KCNK1: variants seen among roughly 807,000 people sequenced by gnomAD.
The protein encoded by KCNK1 is potassium channel subfamily K member 1.
In KCNK1, 10 loss-of-function variants were observed where a neutral mutation model predicts 22.2. The observed-to-expected ratio is 0.45, with a 90% CI of 0.28 to 0.76. The LOEUF is 0.76. Ranked by LOEUF, KCNK1 falls within the 30% of genes least tolerant of loss-of-function variation. KCNK1 has a pLI of 0.14. For synonymous variants in KCNK1, 200 were observed against 186.4 expected (o/e 1.07, Z -0.60); for missense variants, 378 against 421.0 (o/e 0.90, Z 0.89).
intron 2 of KCNK1, among the ~76,000 whole-genome samples, chr1:233,669,454 A>G (rs1658558257): frequency 6.6e-6 from 1 of 152,226 alleles, no homozygotes; most frequent in Admixed American, 6.5e-5. Context: ...TAACAAATGA[A>G]TATTCCAAAG....
intron 1 of KCNK1, among the ~76,000 whole-genome samples, chr1:233,646,136 T>TG (rs1658089920): frequency 6.6e-6 from 1 of 151,992 alleles, no homozygotes; most frequent in African/African-American, 2.4e-5. Flanking sequence ...ACATTCAAGG[T>TG]GGAAGTTTGA....
At chr1:233,652,319 C>T (rs1558116778) in intron 1 of KCNK1, among the ~76,000 whole-genome samples, 1 of 152,110 alleles carries the variant, frequency 6.6e-6, no homozygotes, top group African/African-American at 2.4e-5. Context: ...GCCATCACCC[C>T]TCTTTGATTT....
At chr1:233,639,689 AAAC>A (rs1657970559) in intron 1 of KCNK1, among the ~76,000 whole-genome samples, 1 of 152,238 alleles carries the variant, frequency 6.6e-6, no homozygotes, top group Non-Finnish European at 1.5e-5. Flanking sequence ...ATTACAAAAA[AAAC>A]AACAAAGAAA....
intron 1 of KCNK1, among the ~76,000 whole-genome samples, chr1:233,633,892 G>A (rs895859610): frequency 2.6e-5 from 4 of 152,088 alleles, no homozygotes; most frequent in Non-Finnish European, 2.9e-5. Context: ...TCACACATCC[G>A]CAACACAGCA....
At position 233,615,516 on chromosome 1, in the gene KCNK1, A is replaced by G. The variant is rs534342304; in HGVS notation, c.355+990A>G. Among the ~76,000 whole-genome samples the G allele has an allele frequency of 2.0e-5, 3 of 152,346 alleles. No homozygotes were observed. The South Asian group carries it at 6.2e-4, about 32-fold the overall frequency. ...TTGGACAGTGGGAGGAATCTGAAAG[A>G]GCGTTCAGCACAGTCCCTTCTTTTG... On this transcript the variant is annotated intron_variant, in intron 1 of 2. Coordinates refer to ENST00000366621, the MANE Select transcript of KCNK1 (RefSeq NM_002245.4).
Position 233,657,262 on chromosome 1 carries a change from G to A in KCNK1, c.356-9333G>A, listed in dbSNP as rs1183051584. Among the ~76,000 whole-genome samples the A allele has an allele frequency of 2.0e-5, 3 of 152,148 alleles. No homozygotes were observed. In the East Asian group the frequency reaches 5.8e-4, roughly 29 times the overall value. On this transcript the variant is annotated intron_variant, in intron 1 of 2. Transcript: ENST00000366621. Reference sequence around the variant, plus strand: ...TTCATCCACAACCCCCGCAGCCAAGGCAGTGTCAGTAAATTTTGGGATGGA... The same window carrying A: ...TTCATCCACAACCCCCGCAGCCAAGACAGTGTCAGTAAATTTTGGGATGGA...
chr1:233,636,736 T>C (rs1481948685), intron 1 of KCNK1, among the ~76,000 whole-genome samples: 1 of 112,240 alleles, frequency 8.9e-6, no homozygotes, highest in African/African-American at 3.7e-5. Context: ...GTTAGTGATG[T>C]CATAGGAAAA....
chr1:233,635,465 A>G (rs962140339), intron 1 of KCNK1, among the ~76,000 whole-genome samples: 20 of 152,190 alleles, frequency 1.3e-4, no homozygotes, highest in African/African-American at 4.8e-4. Context: ...ATGCTTTTGA[A>G]TTGTTGAGTA....
chr1:233,650,790 G>A (rs573758070), intron 1 of KCNK1, among the ~76,000 whole-genome samples: 23 of 124,720 alleles, frequency 1.8e-4, no homozygotes, highest in Admixed American at 4.6e-4. Context: ...AAAGTCTTTC[G>A]AACAATAGAA....
chr1:233,625,482 T>TG lies in KCNK1; in HGVS notation c.355+10961dup, dbSNP rs1657673116. Among the ~76,000 whole-genome samples the TG allele has an allele frequency of 3.9e-5, 6 of 151,954 alleles. No homozygotes were observed. In the South Asian group the frequency reaches 1.2e-3, roughly 32 times the overall value. ...GGTATTCCAGATTTTATGGCTAGCC[T>TG]GGGGGAGGATGAGGGGTGAGAGATA... On this transcript the variant is annotated intron_variant, in intron 1 of 2. Coordinates refer to ENST00000366621, the MANE Select transcript of KCNK1 (RefSeq NM_002245.4).
chr1:233,615,446 G>T (rs985303056), intron 1 of KCNK1, among the ~76,000 whole-genome samples: 1 of 152,174 alleles, frequency 6.6e-6, no homozygotes, highest in African/African-American at 2.4e-5. Context: ...TTCCCCAGCC[G>T]GACCTAGTAA....
At position 233,644,966 on chromosome 1, in the gene KCNK1, G is replaced by A. The variant is rs540626545; in HGVS notation, c.356-21629G>A. ...TCCTAGCACTTTGGGAGGCCAAGGC[G>A]GGTGGATCACGAGGTCAGGAGATTA... On this transcript the variant is annotated intron_variant, in intron 1 of 2. Transcript: ENST00000366621. Among the ~76,000 whole-genome samples the A allele has an allele frequency of 9.9e-5, 15 of 152,262 alleles. 1 individual carries two copies. In the South Asian group the frequency reaches 2.9e-3, roughly 30 times the overall value.
intron 1 of KCNK1, among the ~76,000 whole-genome samples, chr1:233,637,127 C>T (rs994749944): frequency 9.6e-5 from 13 of 135,346 alleles, no homozygotes; most frequent in African/African-American, 2.2e-4. Flanking sequence ...ACCCAGGAGG[C>T]GGAGGTTGTA....
At chr1:233,668,927 A>G (rs1338926600) in intron 2 of KCNK1, among the ~76,000 whole-genome samples, 1 of 152,158 alleles carries the variant, frequency 6.6e-6, no homozygotes, top group Non-Finnish European at 1.5e-5. Flanking sequence ...GTATATATAC[A>G]CATTTCCTCC....
chr1:233,654,207 G>T (rs897997677), intron 1 of KCNK1, among the ~76,000 whole-genome samples: 1 of 151,744 alleles, frequency 6.6e-6, no homozygotes, highest in African/African-American at 2.4e-5. Flanking sequence ...GGGGTGGGGG[G>T]GAAAGGGAAG....
intron 1 of KCNK1, among the ~76,000 whole-genome samples, chr1:233,628,882 C>T (rs1657741039): frequency 6.6e-6 from 1 of 152,140 alleles, no homozygotes; most frequent in Non-Finnish European, 1.5e-5. Flanking sequence ...CTTACATAGA[C>T]TGAAGTGAAT....
At chr1:233,652,196 GC>G (rs1186942836) in intron 1 of KCNK1, among the ~76,000 whole-genome samples, 2 of 152,136 alleles carry the variant, frequency 1.3e-5, no homozygotes, top group East Asian at 3.9e-4. Context: ...TTTCCTGGGA[GC>G]TCCTGCTTGG....
intron 1 of KCNK1, among the ~76,000 whole-genome samples, chr1:233,665,788 T>C (rs1658478007): frequency 6.6e-6 from 1 of 152,258 alleles, no homozygotes; most frequent in Admixed American, 6.5e-5. Context: ...GCTCTTTTTA[T>C]GGCCACAGAG....
chr1:233,633,803 C>T (rs897449813), intron 1 of KCNK1, among the ~76,000 whole-genome samples: 10 of 152,084 alleles, frequency 6.6e-5, no homozygotes, highest in African/African-American at 1.2e-4. Context: ...AAGAAGAAAA[C>T]ATTAAGCCTC....
Sources: gnomAD v4.1 joint callset for allele counts (sites outside exome capture counted in the v4.1 genomes callset) on GRCh38, gnomAD v4.1.1 for gene constraint, MANE v1.5 for transcripts, NCBI Gene and HGNC (gene_info 2026-07-23, HGNC 2026-07-21) for gene names.